The following DGKD variants were observed in gnomAD, a reference collection of about 807,000 sequenced individuals.
DGKD encodes DAG kinase delta.
In DGKD, 68 loss-of-function variants were observed where a neutral mutation model predicts 154.4. The ratio of observed to expected loss-of-function variants is 0.44; its 90% CI spans 0.36 to 0.54. The LOEUF is 0.54. DGKD is among the 20% of genes least tolerant of loss of function. The pLI is 0.00. For synonymous variants in DGKD, 693 were observed against 638.0 expected (o/e 1.09, Z -1.30); for missense variants, 1,343 against 1,593.6 (o/e 0.84, Z 2.68).
chr2:233,436,188 A>G, intron 6 of DGKD, 128 bp from the exon 7 acceptor site: 3 of 1,474,214 alleles, frequency 2.0e-6, no homozygotes, highest in Non-Finnish European at 2.8e-6. Flanking sequence ...CCCTTCCCTC[A>G]CTGGCCATCA....
intron 1 of DGKD, among the ~76,000 whole-genome samples, chr2:233,374,091 C>T (rs1356777609): frequency 6.6e-6 from 1 of 151,916 alleles, no homozygotes. Context: ...CTCGCTCTCA[C>T]CCAGGCTGGA....
rs115846473 is a variant in DGKD, at chr2:233,368,065, A to C, written c.156+13391A>C. Among the ~76,000 whole-genome samples the C allele has an allele frequency of 6.2e-3, 935 of 151,978 alleles. 8 individuals carry two copies. Among genetic ancestry groups the C allele is most frequent in the African/African-American group, 0.021 (872 of 41,482 alleles). ...TAGGTGATTCCTGGGCACTGTGCAA[A>C]TATCCTTTACCCCAAATGGTTTCCA... On this transcript the variant is annotated intron_variant, in intron 1 of 29. Coordinates refer to ENST00000264057, the MANE Select transcript of DGKD (RefSeq NM_152879.3).
chr2:233,393,323 T>C (rs921843694), intron 3 of DGKD, among the ~76,000 whole-genome samples: 1 of 144,922 alleles, frequency 6.9e-6, no homozygotes, highest in Non-Finnish European at 1.5e-5. Flanking sequence ...CCACCACGCC[T>C]GGCCTGTTTC....
At position 233,434,370 on chromosome 2, in the gene DGKD, C is replaced by G; in HGVS notation, c.349-10C>G. The G allele has an allele frequency of 1.2e-6, 2 of 1,611,482 alleles. No homozygotes were observed. The highest frequency in any genetic ancestry group is 2.7e-5 in the African/African-American group (2 of 74,944). ...GTTCATGGATCTGTTGAACCTGTTT[C>G]TTTCTCTAGGTCATAACTCCATGCA... is the stretch of plus-strand genomic sequence containing the variant. On this transcript the variant is annotated splice_polypyrimidine_tract_variant and intron_variant, in intron 3 of 29. Coordinates refer to ENST00000264057, the MANE Select transcript of DGKD (RefSeq NM_152879.3).
chr2:233,467,172 CAAAG>C lies in DGKD; in HGVS notation c.3396_3399del (p.Glu1133LeufsTer56). On this transcript the variant is annotated frameshift_variant, in exon 28 of 30. Transcript: ENST00000264057. LOFTEE classifies it high-confidence loss of function. ...TTAAAAAGGAGAAAAACAACAAGAACAAAGAAGCTCACAGTAGCCTGGGAGCCCC... is the reference window on the plus strand; with the variant it reads ...TTAAAAAGGAGAAAAACAACAAGAACAAGCTCACAGTAGCCTGGGAGCCCC... 6.2e-7 allele frequency: 1 copy of C among 1,614,186 alleles called. No individual in the cohort carries two copies. Among genetic ancestry groups the C allele is most frequent in the Non-Finnish European group, 8.5e-7 (1 of 1,180,012 alleles).
chr2:233,438,129 G>A lies in DGKD; in HGVS notation c.923-88G>A, dbSNP rs749269530. ...GCATGTGTCAGGTGTGTGTCCTTTGGGGGGGTCTGCTGCTGCTGATTCCAT... is the reference window on the plus strand; with the variant it reads ...GCATGTGTCAGGTGTGTGTCCTTTGAGGGGGTCTGCTGCTGCTGATTCCAT... On this transcript the variant is annotated intron_variant, in intron 8 of 29. Transcript: ENST00000264057. This position sits in a 1 kb window ranked among gnomAD's most constrained non-coding sequence, Gnocchi z 4.1. 6.2e-6 allele frequency: 9 copies of A among 1,457,764 alleles called. No individual in the cohort carries two copies. The highest frequency in any genetic ancestry group is 2.3e-5 in the East Asian group (1 of 43,722). The allele number at this position is 1,457,764 out of a possible 1,614,324, so 90.3% of individuals were successfully genotyped here. A position where few individuals can be genotyped will look rare whatever the true frequency, so the allele number is the denominator to read the frequency against.
chr2:233,415,778 C>T (rs1030162808), intron 3 of DGKD, among the ~76,000 whole-genome samples: 3 of 152,110 alleles, frequency 2.0e-5, no homozygotes, highest in African/African-American at 7.2e-5. Context: ...CAGGCACCAC[C>T]ATTCCCAGCT....
chr2:233,445,551 G>T lies in DGKD; in HGVS notation c.1195-72G>T. 6.6e-7 allele frequency: 1 copy of T among 1,514,656 alleles called. No homozygotes were observed. Among genetic ancestry groups the T allele is most frequent in the Non-Finnish European group, 8.9e-7 (1 of 1,129,866 alleles). 93.8% of individuals were successfully genotyped at this position (1,514,656 alleles called of 1,614,324 possible). On this transcript the variant is annotated intron_variant, in intron 10 of 29. Coordinates refer to ENST00000264057, the MANE Select transcript of DGKD (RefSeq NM_152879.3). The surrounding 1 kb of genome is among the most constrained non-coding windows in gnomAD (Gnocchi z 5.5). ...CGTAACCCTCACGGTGGGGGACAAG[G>T]AGGGCTGCGGGCTGGGAAGTGGCCC... is the stretch of plus-strand genomic sequence containing the variant.
chr2:233,384,924 G>A (rs1575011924), intron 1 of DGKD, among the ~76,000 whole-genome samples: 1 of 152,068 alleles, frequency 6.6e-6, no homozygotes, highest in African/African-American at 2.4e-5. Flanking sequence ...CTCCCTTATG[G>A]GGCATTGCTC....
At chr2:233,390,834 A>T (rs956197274) in intron 3 of DGKD, among the ~76,000 whole-genome samples, 2 of 152,156 alleles carry the variant, frequency 1.3e-5, no homozygotes, top group African/African-American at 4.8e-5. Context: ...CCCGAGTTCA[A>T]GCGATTCTCC....
intron 1 of DGKD, among the ~76,000 whole-genome samples, chr2:233,363,487 C>T (rs1701882242): frequency 6.6e-6 from 1 of 152,078 alleles, no homozygotes; most frequent in African/African-American, 2.4e-5. Flanking sequence ...AAAAATATTA[C>T]AGTAAGCTAA....
rs73996002 is a variant in DGKD, at chr2:233,468,052, C to T, written c.3425-371C>T. On this transcript the variant is annotated intron_variant, in intron 28 of 29. Transcript: ENST00000264057. The stretch of plus-strand genomic sequence containing the variant: ...CCCTCCTGGGACACGGGGAAATGAC[C>T]AGAGGCTGGCGGCCCACCTGGCAGG... Among the ~76,000 whole-genome samples the T allele has an allele frequency of 5.9e-3, 891 of 152,136 alleles. 5 individuals are homozygous for T. Among genetic ancestry groups the T allele is most frequent in the African/African-American group, 0.02 (839 of 41,512 alleles).
In DGKD at chr2:233,449,841, G is replaced by T. The variant is rs2063211545; in HGVS notation, c.1889-141G>T. 2 of 1,026,928 alleles carry T rather than the reference G, an allele frequency of 1.9e-6. No individual in the cohort carries two copies. Among genetic ancestry groups the T allele is most frequent in the Non-Finnish European group, 2.7e-6 (2 of 740,150 alleles). 63.6% of individuals were successfully genotyped at this position (1,026,928 alleles called of 1,614,324 possible). On this transcript the variant is annotated intron_variant, in intron 15 of 29. Coordinates refer to ENST00000264057, the MANE Select transcript of DGKD (RefSeq NM_152879.3). This position sits in a 1 kb window ranked among gnomAD's most constrained non-coding sequence, Gnocchi z 5.3. ...CAGGGGGAAGATGGGTGGGGGTGGG[G>T]TTTCGGAGTCCAAGCCTTTAGCCAG...
chr2:233,447,702 G>A, intron 12 of DGKD: 2 of 1,083,544 alleles, frequency 1.8e-6, no homozygotes, highest in Non-Finnish European at 2.2e-6. Context: ...TGTCCAGATG[G>A]GGCTCACAGC....
Position 233,457,707 on chromosome 2 carries a change from CAG to C in DGKD, c.2580+382_2580+383del. On this transcript the variant is annotated intron_variant, in intron 21 of 29. Transcript: ENST00000264057. The surrounding 1 kb of genome is among the most constrained non-coding windows in gnomAD (Gnocchi z 5.5). Reference sequence around the variant, plus strand: ...AGAGAGAATTGCACAGATGAAGGCTCAGAGTCAAGACAGGGCAGGCACATGGA... The same window carrying C: ...AGAGAGAATTGCACAGATGAAGGCTCAGTCAAGACAGGGCAGGCACATGGA... 1 of 405,612 alleles carries C rather than the reference CAG, an allele frequency of 2.5e-6. No individual in the cohort carries two copies. The highest frequency in any genetic ancestry group is 4.9e-6 in the Non-Finnish European group (1 of 202,454). 25.1% of individuals were successfully genotyped at this position (405,612 alleles called of 1,614,324 possible). A position where few individuals can be genotyped will look rare whatever the true frequency, so the allele number is the denominator to read the frequency against.
chr2:233,447,872 G>A, intron 12 of DGKD: 1 of 1,390,670 alleles, frequency 7.2e-7, no homozygotes, highest in Non-Finnish European at 9.3e-7. Flanking sequence ...CCTGCAGCTT[G>A]ACGAAGCTTT....
chr2:233,437,237 C>T lies in DGKD; in HGVS notation c.820-140C>T, dbSNP rs141093178. On this transcript the variant is annotated intron_variant, in intron 7 of 29. Coordinates refer to ENST00000264057, the MANE Select transcript of DGKD (RefSeq NM_152879.3). ...CCGATGATAGCAGGCCGGCCCAGGG[C>T]CCCTGATGGTAGCAGGCCAGCCCAG... 1.4e-3 allele frequency: 997 copies of T among 730,682 alleles called. 4 individuals are homozygous for T. In the African/African-American group the frequency reaches 0.016, roughly 12 times the overall value. The allele number at this position is 730,682 out of a possible 1,614,324, so 45.3% of individuals were successfully genotyped here.
At chr2:233,402,687 G>T (rs370826548) in intron 3 of DGKD, among the ~76,000 whole-genome samples, 2 of 152,198 alleles carry the variant, frequency 1.3e-5, no homozygotes, top group African/African-American at 4.8e-5. Context: ...CCTGTGCTCT[G>T]TGTGTGCGCT....
intron 7 of DGKD, 26 bp downstream of exon 7, chr2:233,436,467 T>C (rs747555003): frequency 3.1e-6 from 5 of 1,604,500 alleles, no homozygotes; most frequent in Non-Finnish European, 3.4e-6. Flanking sequence ...GCGCCCGGGC[T>C]GGAGGGGAGG....
Sources: gnomAD v4.1 joint callset for allele counts (sites outside exome capture counted in the v4.1 genomes callset) on GRCh38, gnomAD v4.1.1 for gene constraint, Gnocchi (gnomAD v3.1) non-coding constraint, MANE v1.5 for transcripts, NCBI Gene and HGNC (gene_info 2026-07-23, HGNC 2026-07-21) for gene names.